Variants in CDK14 observed in about 807,000 individuals in gnomAD.
CDK14 encodes cyclin-dependent kinase 14.
CDK14 carries 34 observed loss-of-function variants against 60.7 expected under a neutral mutation model. That is an observed-to-expected ratio of 0.56 (90% CI 0.43 to 0.75). CDK14 has a LOEUF of 0.75. CDK14 is among the 30% of genes least tolerant of loss of function. CDK14 has a pLI of 0.00. For missense variants in CDK14, 482 were observed against 564.1 expected, an observed-to-expected ratio of 0.85 and a Z score of 1.47; for synonymous variants, 197 against 203.7, an observed-to-expected ratio of 0.97 and a Z score of 0.28.
At chr7:91,014,536 G>A (rs1357127111) in intron 10 of CDK14, among the ~76,000 whole-genome samples, 2 of 152,088 alleles carry the variant, frequency 1.3e-5, no homozygotes, top group Non-Finnish European at 1.5e-5. Context: ...CAATGATGAT[G>A]ATTTTTCCCT....
At chr7:91,139,242 A>G (rs1167583670) in intron 14 of CDK14, among the ~76,000 whole-genome samples, 1 of 152,208 alleles carries the variant, frequency 6.6e-6, no homozygotes, top group Non-Finnish European at 1.5e-5. Context: ...TTGGATAGTG[A>G]TATCAATCTA....
intron 8 of CDK14, among the ~76,000 whole-genome samples, chr7:90,940,857 A>G (rs1223226270): frequency 1.3e-5 from 2 of 152,094 alleles, no homozygotes; most frequent in African/African-American, 2.4e-5. Flanking sequence ...ATATAAATCT[A>G]TCTATGTATA....
chr7:90,640,412 A>G (rs936915507), intron 2 of CDK14, among the ~76,000 whole-genome samples: 2 of 152,160 alleles, frequency 1.3e-5, no homozygotes, highest in African/African-American at 4.8e-5. Flanking sequence ...ATTTTAAAGT[A>G]TGTATGAAAT....
intron 5 of CDK14, among the ~76,000 whole-genome samples, chr7:90,835,285 C>T (rs1046728927): frequency 6.6e-6 from 1 of 151,870 alleles, no homozygotes; most frequent in Non-Finnish European, 1.5e-5. Context: ...GATTGTTAAG[C>T]GTGGGTAAGT....
At chr7:91,135,083 G>C (rs1301830897) in intron 14 of CDK14, among the ~76,000 whole-genome samples, 1 of 151,976 alleles carries the variant, frequency 6.6e-6, no homozygotes, top group Non-Finnish European at 1.5e-5. Flanking sequence ...TTTCCATGCA[G>C]TGCTTCATTA....
intron 2 of CDK14, chr7:90,666,524 G>A (rs2116518310): frequency 6.6e-6 from 1 of 152,308 alleles, no homozygotes; most frequent in Non-Finnish European, 1.5e-5. Flanking sequence ...GAGAATTAGT[G>A]TAGCAAATAC....
intron 14 of CDK14, among the ~76,000 whole-genome samples, chr7:91,152,665 G>A (rs12532059): frequency 0.034 from 5,143 of 152,248 alleles, 152 homozygotes; most frequent in South Asian, 0.084. Flanking sequence ...TATTATCACA[G>A]TGCTTAGGGA....
At chr7:90,676,606 C>A (rs1029100445) in intron 2 of CDK14, among the ~76,000 whole-genome samples, 19 of 151,202 alleles carry the variant, frequency 1.3e-4, no homozygotes, top group Non-Finnish European at 2.4e-4. Context: ...GATCTCGGCT[C>A]ACTGCAGCCC....
intron 10 of CDK14, among the ~76,000 whole-genome samples, chr7:90,990,956 C>T (rs1795516336): frequency 6.6e-6 from 1 of 152,168 alleles, no homozygotes; most frequent in African/African-American, 2.4e-5. Context: ...AACATAGCCC[C>T]TACTTGCTTC....
chr7:91,146,202 GGATT>G (rs1337985197), intron 14 of CDK14, among the ~76,000 whole-genome samples: 1 of 152,072 alleles, frequency 6.6e-6, no homozygotes, highest in Non-Finnish European at 1.5e-5. Flanking sequence ...ATTGATTGAT[GGATT>G]GATTGATTGA....
rs141142116 is a variant in CDK14, at chr7:91,062,160, G to A, written c.1105+16200G>A. On this transcript the variant is annotated intron_variant, in intron 11 of 14. Coordinates refer to ENST00000380050, the MANE Select transcript of CDK14 (RefSeq NM_001287135.2). The stretch of plus-strand genomic sequence containing the variant: ...TGTTTGATTTCAGACTGCTGTGCTA[G>A]CAATGACCGAGGCTCCATGGGCTTA... Among the ~76,000 whole-genome samples the A allele has an allele frequency of 8.1e-3, 1,234 of 152,274 alleles. 19 individuals are homozygous for A. Among genetic ancestry groups the A allele is most frequent in the African/African-American group, 0.027 (1,138 of 41,560 alleles).
At chr7:90,774,585 T>A (rs1804938657) in intron 4 of CDK14, among the ~76,000 whole-genome samples, 2 of 152,258 alleles carry the variant, frequency 1.3e-5, no homozygotes, top group African/African-American at 4.8e-5. Context: ...AGTATGCAAG[T>A]AATACATTTT....
intron 8 of CDK14, among the ~76,000 whole-genome samples, chr7:90,954,545 A>C (rs1179543946): frequency 6.6e-6 from 1 of 151,972 alleles, no homozygotes; most frequent in Non-Finnish European, 1.5e-5. Context: ...AACTTACTAA[A>C]AAATAAAGAT....
At chr7:91,086,574 T>C (rs1268722833) in intron 12 of CDK14, among the ~76,000 whole-genome samples, 2 of 152,006 alleles carry the variant, frequency 1.3e-5, no homozygotes, top group Non-Finnish European at 2.9e-5. Flanking sequence ...TCATCACATA[T>C]GAGATGCTAT....
At chr7:91,176,127 A>C (rs1204886932) in intron 14 of CDK14, among the ~76,000 whole-genome samples, 22 of 151,794 alleles carry the variant, frequency 1.4e-4, no homozygotes, top group Middle Eastern at 3.4e-3. Context: ...CCACAGTGCA[A>C]TCAAACTAGA....
At chr7:91,148,114 C>T (rs537402992) in intron 14 of CDK14, among the ~76,000 whole-genome samples, 2 of 152,194 alleles carry the variant, frequency 1.3e-5, no homozygotes, top group South Asian at 4.2e-4. Flanking sequence ...GTGATTCACG[C>T]CTGTAATCTC....
chr7:90,863,420 C>A, intron 6 of CDK14, 151 bp downstream of exon 6: 1 of 485,792 alleles, frequency 2.1e-6, no homozygotes. Flanking sequence ...AAATAAAGGC[C>A]CTATAAGAGA....
At chr7:90,687,981 T>C (rs913634212) in intron 2 of CDK14, among the ~76,000 whole-genome samples, 9 of 152,202 alleles carry the variant, frequency 5.9e-5, no homozygotes, top group African/African-American at 2.2e-4. Flanking sequence ...ATACTTGATT[T>C]AAACCACAAG....
At chr7:91,069,186 A>G (rs1449849687) in intron 11 of CDK14, among the ~76,000 whole-genome samples, 1 of 152,212 alleles carries the variant, frequency 6.6e-6, no homozygotes, top group East Asian at 1.9e-4. Flanking sequence ...TACATGAAAC[A>G]TACCATAACA....
Sources: allele counts gnomAD v4.1 joint callset (sites outside exome capture counted in the v4.1 genomes callset), GRCh38; gene constraint gnomAD v4.1.1; transcripts MANE v1.5; gene names NCBI Gene and HGNC (gene_info 2026-07-23, HGNC 2026-07-21).